Variants in LRCH3 observed in about 807,000 individuals in gnomAD.
The protein encoded by LRCH3 is leucine rich repeats and calponin homology domain containing 3.
A neutral mutation model predicts 104.5 loss-of-function variants in LRCH3; 68 were observed. The observed-to-expected ratio is 0.65, with a 90% CI of 0.54 to 0.80. The LOEUF (loss-of-function observed/expected upper bound fraction) is 0.80. Ranked by LOEUF, LRCH3 falls within the 30% of genes least tolerant of loss-of-function variation. LRCH3 has a pLI of 0.00. For missense variants in LRCH3, 951 were observed against 953.9 expected (o/e 1.00, Z 0.04); for synonymous variants, 344 against 361.3 (o/e 0.95, Z 0.54).
intron 1 of LRCH3, among the ~76,000 whole-genome samples, chr3:197,803,554 A>G (rs1732132637): frequency 6.6e-6 from 1 of 151,986 alleles, no homozygotes; most frequent in African/African-American, 2.4e-5. Context: ...AATCCCAGCT[A>G]CTTGGGAGGC....
At chr3:197,791,618 G>A (rs1442159490) in intron 1 of LRCH3, 78 bp downstream of exon 1, 1 of 1,444,328 alleles carries the variant, frequency 6.9e-7, no homozygotes, top group African/African-American at 1.5e-5. Context: ...GGCGGATGCG[G>A]GGGAGTTACA....
chr3:197,792,251 T>C (rs1730612366), intron 1 of LRCH3, among the ~76,000 whole-genome samples: 1 of 151,752 alleles, frequency 6.6e-6, no homozygotes, highest in African/African-American at 2.4e-5. Context: ...AGTTTCCTCT[T>C]CCACTCCTCA....
chr3:197,879,005 G>C (rs953300580), intron 20 of LRCH3, among the ~76,000 whole-genome samples: 2 of 152,190 alleles, frequency 1.3e-5, no homozygotes, highest in Non-Finnish European at 2.9e-5. Flanking sequence ...TTAAAGTGTT[G>C]TACAAGTTAA....
chr3:197,833,585 G>A (rs1014480148), intron 8 of LRCH3, among the ~76,000 whole-genome samples: 6 of 151,876 alleles, frequency 4.0e-5, no homozygotes, highest in African/African-American at 1.5e-4. Context: ...TGTATTGTAA[G>A]TATAAAATAC....
chr3:197,870,449 T>C (rs1330371893), intron 18 of LRCH3, among the ~76,000 whole-genome samples, 171 bp downstream of exon 18: 1 of 152,188 alleles, frequency 6.6e-6, no homozygotes, highest in Non-Finnish European at 1.5e-5. Flanking sequence ...CACTGCAGCC[T>C]ATGCCTCGTG....
intron 20 of LRCH3, among the ~76,000 whole-genome samples, chr3:197,880,017 C>A (rs1424770207): frequency 3.3e-5 from 5 of 150,708 alleles, no homozygotes; most frequent in African/African-American, 1.2e-4. Flanking sequence ...GCGATCTCGG[C>A]TCACTGCAAG....
At chr3:197,807,756 T>A (rs1008055297) in intron 1 of LRCH3, among the ~76,000 whole-genome samples, 3 of 152,202 alleles carry the variant, frequency 2.0e-5, no homozygotes, top group African/African-American at 7.2e-5. Flanking sequence ...TGTATCTCTT[T>A]GTGTAGCTCT....
Position 197,858,836 on chromosome 3 carries a change from G to A in LRCH3, c.1647G>A (p.Ser549=), listed in dbSNP as rs778617574. 51 of 1,612,600 alleles carry A rather than the reference G, an allele frequency of 3.2e-5. No individual in the cohort carries two copies. The African/African-American group carries it at 5.3e-4, about 17-fold the overall frequency. Residue 549 remains serine (S), a splice_region_variant and synonymous_variant, in exon 15 of 21, where the codon TCG becomes TCA. Transcript: ENST00000425562. ...TCTCTTTCTCATTTGAAATGTAGTC[G>A]CTGTCAGGGTTGAATCAAGTGGGCT... ...QHTDDSALCM[S]LSGLNQVGCA... is the part of the protein sequence containing the mutation.
chr3:197,803,455 A>G (rs1479559885), intron 1 of LRCH3, among the ~76,000 whole-genome samples: 2 of 152,180 alleles, frequency 1.3e-5, no homozygotes, highest in Non-Finnish European at 2.9e-5. Flanking sequence ...AAGCACCCTG[A>G]TGGTACTAGG....
chr3:197,881,645 A>C, intron 20 of LRCH3: 1 of 985,476 alleles, frequency 1.0e-6, no homozygotes, highest in Non-Finnish European at 1.2e-6. Context: ...AATGCGTAGC[A>C]CTTAGCTGCT....
intron 19 of LRCH3, 47 bp from the exon 20 acceptor site, chr3:197,875,651 C>T (rs1712804564): frequency 6.9e-7 from 1 of 1,443,676 alleles, no homozygotes; most frequent in African/African-American, 1.4e-5. Flanking sequence ...GACCCTGTCC[C>T]AGAAACAAAA....
intron 10 of LRCH3, among the ~76,000 whole-genome samples, chr3:197,843,660 G>A (rs1188210884): frequency 6.6e-6 from 1 of 152,038 alleles, no homozygotes; most frequent in Non-Finnish European, 1.5e-5. Flanking sequence ...CGCCAGCCTG[G>A]GCAACAGATA....
At chr3:197,829,269 C>G (rs1432936155) in intron 5 of LRCH3, among the ~76,000 whole-genome samples, 3 of 152,132 alleles carry the variant, frequency 2.0e-5, no homozygotes, top group African/African-American at 7.2e-5. Flanking sequence ...TCTGACTATG[C>G]AAACTAGTCA....
chr3:197,875,939 T>C, intron 20 of LRCH3, 164 bp downstream of exon 20: 2 of 469,506 alleles, frequency 4.3e-6, no homozygotes, highest in Admixed American at 7.9e-5. Flanking sequence ...ACAGTTTTCC[T>C]TGATTATTTC....
chr3:197,845,476 G>A (rs1252519148), intron 10 of LRCH3, among the ~76,000 whole-genome samples: 1 of 151,762 alleles, frequency 6.6e-6, no homozygotes, highest in East Asian at 1.9e-4. Flanking sequence ...ATACATACAT[G>A]TTATCTGCAT....
At chr3:197,846,633 T>G (rs1466432315) in intron 10 of LRCH3, among the ~76,000 whole-genome samples, 4 of 139,266 alleles carry the variant, frequency 2.9e-5, no homozygotes, top group Non-Finnish European at 5.9e-5. Flanking sequence ...TGATGATGGG[T>G]TTTTTTTGGT....
chr3:197,838,447 G>A (rs565706001), intron 9 of LRCH3, among the ~76,000 whole-genome samples: 1 of 141,160 alleles, frequency 7.1e-6, no homozygotes, highest in African/African-American at 3.1e-5. Flanking sequence ...GGAGGTAGAT[G>A]CTATTTCTTG....
At chr3:197,822,242 G>T (rs923740707) in intron 4 of LRCH3, among the ~76,000 whole-genome samples, 1 of 151,952 alleles carries the variant, frequency 6.6e-6, no homozygotes, top group East Asian at 1.9e-4. Context: ...TTTTCTCCTG[G>T]TTCTGTTTGC....
Position 197,870,150 on chromosome 3 carries a change from AT to A in LRCH3, c.1874-5del. On this transcript the variant is annotated splice_polypyrimidine_tract_variant and intron_variant, in intron 17 of 20. Coordinates refer to ENST00000425562, the MANE Select transcript of LRCH3 (RefSeq NM_001365715.1). ...TTGCCTTTCTGTCTTACATATTAAT[AT>A]TTTTATAGGTCATGCTTCACCCCTT... 1 of 1,610,434 alleles carries A rather than the reference AT, an allele frequency of 6.2e-7. No homozygotes were observed. The highest frequency in any genetic ancestry group is 8.5e-7 in the Non-Finnish European group (1 of 1,177,910).
Sources: gnomAD v4.1 joint callset for allele counts (sites outside exome capture counted in the v4.1 genomes callset) on GRCh38, gnomAD v4.1.1 for gene constraint, MANE v1.5 for transcripts, NCBI Gene and HGNC (gene_info 2026-07-23, HGNC 2026-07-21) for gene names.